Variants in PEBP4 observed in about 807,000 individuals in gnomAD.
PEBP4 encodes the protein phosphatidylethanolamine-binding protein 4.
Under a neutral mutation model 23.9 loss-of-function variants are expected in PEBP4, and 22 were observed. That is an observed-to-expected ratio of 0.92 (90% CI 0.66 to 1.31). The LOEUF is 1.31. Ranked by LOEUF, PEBP4 falls within the 40% of genes most tolerant of loss-of-function variation. The pLI is 0.00. For synonymous variants in PEBP4, 112 were observed against 99.3 expected, an observed-to-expected ratio of 1.13 and a Z score of -0.76; for missense variants, 324 against 281.7, an observed-to-expected ratio of 1.15 and a Z score of -1.07.
At chr8:22,749,323 C>T (rs1423574983) in intron 4 of PEBP4, among the ~76,000 whole-genome samples, 1 of 152,152 alleles carries the variant, frequency 6.6e-6, no homozygotes, top group African/African-American at 2.4e-5. Flanking sequence ...TCTCTGTAGA[C>T]CTCTCTGCAG....
chr8:22,730,369 C>T (rs1388771254), intron 4 of PEBP4, among the ~76,000 whole-genome samples: 4 of 152,262 alleles, frequency 2.6e-5, no homozygotes, highest in African/African-American at 4.8e-5. Context: ...AGCAAAACCT[C>T]GTCTCTACAA....
chr8:22,762,171 G>A (rs567305601), intron 4 of PEBP4, among the ~76,000 whole-genome samples: 2 of 152,020 alleles, frequency 1.3e-5, no homozygotes, highest in African/African-American at 2.4e-5. Flanking sequence ...AAAAGAAATC[G>A]CATGTGTTCT....
intron 1 of PEBP4, among the ~76,000 whole-genome samples, chr8:22,939,732 C>T (rs1333614749): frequency 6.6e-6 from 1 of 151,930 alleles, no homozygotes; most frequent in Non-Finnish European, 1.5e-5. Context: ...AATTTTATTA[C>T]CCAGGAGTCA....
At chr8:22,902,028 G>A (rs547692002) in intron 3 of PEBP4, among the ~76,000 whole-genome samples, 6 of 152,170 alleles carry the variant, frequency 3.9e-5, no homozygotes, top group South Asian at 4.1e-4. Flanking sequence ...AAAAACCTAC[G>A]TAAATTTTAG....
At chr8:22,797,323 C>T (rs532908427) in intron 4 of PEBP4, among the ~76,000 whole-genome samples, 2 of 150,020 alleles carry the variant, frequency 1.3e-5, no homozygotes, top group East Asian at 3.9e-4. Context: ...AGTGCAAAAA[C>T]CCAAAAAACA....
At chr8:22,818,256 G>A (rs1386274096) in intron 3 of PEBP4, among the ~76,000 whole-genome samples, 2 of 152,190 alleles carry the variant, frequency 1.3e-5, no homozygotes, top group African/African-American at 4.8e-5. Flanking sequence ...AGGCAACAGA[G>A]CACAAGACAG....
At chr8:22,912,970 C>T (rs1563258929) in intron 3 of PEBP4, among the ~76,000 whole-genome samples, 1 of 152,228 alleles carries the variant, frequency 6.6e-6, no homozygotes, top group Admixed American at 6.5e-5. Context: ...ACAAGCTCAG[C>T]GGCCTCCTGT....
chr8:22,792,268 A>G (rs967105523), intron 4 of PEBP4, among the ~76,000 whole-genome samples: 1 of 152,120 alleles, frequency 6.6e-6, no homozygotes, highest in African/African-American at 2.4e-5. Context: ...CAGGAGAGAC[A>G]GCCATTTGGG....
upstream of PEBP4, among the ~76,000 whole-genome samples, chr8:22,928,767 G>A (rs1446246124): frequency 6.6e-6 from 1 of 152,152 alleles, no homozygotes; most frequent in Non-Finnish European, 1.5e-5. Context: ...TGTCTCCCTA[G>A]AATGCACCAC....
chr8:22,796,998 ATAATCCCAGCACTTTG>A (rs1806274408), intron 4 of PEBP4, among the ~76,000 whole-genome samples: 2 of 151,738 alleles, frequency 1.3e-5, no homozygotes, highest in Admixed American at 1.3e-4. Context: ...GTTCATGCCT[ATAATCCCAGCACTTTG>A]GGAGGCCAAG....
At chr8:22,732,416 G>A (rs1318083198) in intron 4 of PEBP4, among the ~76,000 whole-genome samples, 4 of 152,130 alleles carry the variant, frequency 2.6e-5, no homozygotes, top group Admixed American at 2.0e-4. Flanking sequence ...TGGTGGGGGC[G>A]TGGGGAGGGA....
rs17088800 is a variant in PEBP4 at position 22,925,270 on chromosome 8, G to T, written c.131+2314C>A. 357 of 985,128 alleles carry T rather than the reference G, an allele frequency of 3.6e-4. 1 individual carries two copies. Among genetic ancestry groups the T allele is most frequent in the Non-Finnish European group, 4.1e-4 (343 of 829,878 alleles). 61.0% of individuals were successfully genotyped at this position (985,128 alleles called of 1,614,324 possible). A position where few individuals can be genotyped will look rare whatever the true frequency, so the allele number is the denominator to read the frequency against. On this transcript the variant is annotated intron_variant, in intron 2 of 6. Transcript: ENST00000256404. ...CATAAGTCTCTTTCTCAGACTGGGG[G>T]CCTGCTGGTGTATTCTGGGAGTCCT...
intron 3 of PEBP4, among the ~76,000 whole-genome samples, chr8:22,870,641 C>T (rs560659684): frequency 2.0e-5 from 3 of 152,154 alleles, no homozygotes; most frequent in Non-Finnish European, 4.4e-5. Context: ...ATGCACCCCT[C>T]TGGTGGAGAA....
chr8:22,802,394 A>G (rs1806402911), intron 4 of PEBP4, among the ~76,000 whole-genome samples: 1 of 151,486 alleles, frequency 6.6e-6, no homozygotes, highest in Admixed American at 6.6e-5. Context: ...GTCTCCTGCC[A>G]TGGGGCTTGT....
At chr8:22,725,629 C>T (rs888655251) in intron 5 of PEBP4, among the ~76,000 whole-genome samples, 1 of 152,162 alleles carries the variant, frequency 6.6e-6, no homozygotes, top group Non-Finnish European at 1.5e-5. Context: ...AGTCAAGGTC[C>T]TGCTGGCCTG....
rs564573783 is a variant in PEBP4, at chr8:22,822,486, G to A, written c.259-4751C>T. On this transcript the variant is annotated intron_variant, in intron 3 of 6. Transcript: ENST00000256404. ...ACAAAGTGTAAACATGATAAAAGAA[G>A]AAATGAAGAAATAAAGCCATATGCC... 1.2e-4 allele frequency among the ~76,000 whole-genome samples: 18 copies of A among 151,974 alleles called. No homozygotes were observed. The South Asian group carries it at 3.7e-3, about 32-fold the overall frequency.
intron 4 of PEBP4, among the ~76,000 whole-genome samples, chr8:22,780,819 T>C (rs531812580): frequency 3.5e-4 from 53 of 152,278 alleles, no homozygotes; most frequent in Middle Eastern, 3.4e-3. Context: ...TGAGAAAGTC[T>C]CTAGGGTTGC....
At chr8:22,889,452 G>C (rs1223997452) in intron 3 of PEBP4, among the ~76,000 whole-genome samples, 1 of 152,170 alleles carries the variant, frequency 6.6e-6, no homozygotes, top group African/African-American at 2.4e-5. Context: ...CTGCTCTAAG[G>C]CTCCGGGGAG....
intron 4 of PEBP4, among the ~76,000 whole-genome samples, chr8:22,791,486 G>A (rs1159616416): frequency 1.3e-5 from 2 of 151,924 alleles, no homozygotes; most frequent in East Asian, 1.9e-4. Context: ...TTCTCCAAGG[G>A]TGCGATCGAC....
Sources: allele counts gnomAD v4.1 joint callset (sites outside exome capture counted in the v4.1 genomes callset), GRCh38; gene constraint gnomAD v4.1.1; transcripts MANE v1.5; gene names NCBI Gene and HGNC (gene_info 2026-07-23, HGNC 2026-07-21).